The following PALD1 variants were observed in gnomAD, a reference collection of about 807,000 sequenced individuals.
PALD1 encodes paladin.
PALD1 carries 57 observed loss-of-function variants against 96.0 expected under a neutral mutation model. The observed-to-expected ratio is 0.59, with a 90% CI of 0.48 to 0.74. The LOEUF is 0.74. PALD1 is among the 30% of genes least tolerant of loss of function. PALD1 has a pLI of 0.00. For synonymous variants in PALD1, 464 were observed against 473.6 expected, an observed-to-expected ratio of 0.98 and a Z score of 0.26; for missense variants, 1,063 against 1,143.7, an observed-to-expected ratio of 0.93 and a Z score of 1.02.
At chr10:70,474,211 C>G (rs770614753), upstream of PALD1, among the ~76,000 whole-genome samples, 7 of 151,996 alleles carry the variant, frequency 4.6e-5, no homozygotes, top group Non-Finnish European at 1.0e-4. Context: ...CTGGAGGTCA[C>G]GGGCAAAATC....
intron 1 of PALD1, among the ~76,000 whole-genome samples, chr10:70,499,247 T>G (rs1356641866): frequency 1.3e-5 from 2 of 152,214 alleles, no homozygotes; most frequent in African/African-American, 4.8e-5. Flanking sequence ...GCTCTGGCCC[T>G]TCCTTCTTCA....
intron 1 of PALD1, among the ~76,000 whole-genome samples, chr10:70,492,778 A>G (rs187894190): frequency 3.1e-4 from 47 of 152,300 alleles, no homozygotes; most frequent in Middle Eastern, 3.4e-3. Context: ...TGTATAATTT[A>G]TGATGGGTTT....
Position 70,539,659 on chromosome 10 carries a change from C to A in PALD1, c.1805C>A (p.Thr602Asn). 6.2e-7 allele frequency: 1 copy of A among 1,613,788 alleles called. No homozygotes were observed. The highest frequency in any genetic ancestry group is 1.7e-4 in the Middle Eastern group (1 of 6,058). Residue 602 changes from threonine to asparagine, a missense_variant, in exon 15 of 20, where the codon ACC (threonine) becomes AAC (asparagine). Coordinates refer to ENST00000263563, the MANE Select transcript of PALD1 (RefSeq NM_014431.3). The surrounding 1 kb of genome is among the most constrained non-coding windows in gnomAD (Gnocchi z 4.5). ...KEGPLTYRFQ[T>N]CLTMQEVFSQ... ...GGCCCCCTGACCTACAGGTTCCAGA[C>A]CTGCCTTACCATGCAGGAGGTCTTC...
intron 1 of PALD1, among the ~76,000 whole-genome samples, chr10:70,522,195 AT>A (rs199546227): frequency 2.0e-5 from 3 of 150,504 alleles, no homozygotes; most frequent in Admixed American, 6.6e-5. Context: ...GGCCGTTGTG[AT>A]TTTTTTTTTG....
At chr10:70,527,511 G>T (rs1846893129) in intron 2 of PALD1, among the ~76,000 whole-genome samples, 1 of 152,178 alleles carries the variant, frequency 6.6e-6, no homozygotes, top group South Asian at 2.1e-4. Flanking sequence ...TAGTATCTGT[G>T]GATGCTTAGG....
At chr10:70,532,351 C>A (rs1847009534) in intron 5 of PALD1, among the ~76,000 whole-genome samples, 1 of 152,254 alleles carries the variant, frequency 6.6e-6, no homozygotes, top group African/African-American at 2.4e-5. Flanking sequence ...CAGCTGACCA[C>A]ACCTCCCCCG....
intron 1 of PALD1, among the ~76,000 whole-genome samples, chr10:70,512,013 G>A (rs893689471): frequency 4.6e-5 from 7 of 151,994 alleles, no homozygotes; most frequent in East Asian, 1.9e-4. Flanking sequence ...GAGACAGAGC[G>A]AGACTCCGTC....
At position 70,540,396 on chromosome 10, in the gene PALD1, G is replaced by A. The variant is rs940379384; in HGVS notation, c.1908+634G>A. On this transcript the variant is annotated intron_variant, in intron 15 of 19. Transcript: ENST00000263563. The surrounding 1 kb of genome is among the most constrained non-coding windows in gnomAD (Gnocchi z 4.2). ...GGGGAGTGGTGTGGTGTGTGGTAGG[G>A]TTTGTGGAGGGGTCGTTAGGAATGT... Among the ~76,000 whole-genome samples, 4 of 151,856 alleles carry A rather than the reference G, an allele frequency of 2.6e-5. No homozygotes were observed. The highest frequency in any genetic ancestry group is 9.7e-5 in the African/African-American group (4 of 41,324).
intron 1 of PALD1, among the ~76,000 whole-genome samples, chr10:70,513,971 C>T (rs1043319336): frequency 7.2e-5 from 11 of 152,138 alleles, no homozygotes; most frequent in African/African-American, 2.7e-4. Flanking sequence ...GCCAGGTGAG[C>T]TGAGAGGGAG....
chr10:70,560,573 G>C (rs1434671663), intron 18 of PALD1, among the ~76,000 whole-genome samples: 1 of 151,942 alleles, frequency 6.6e-6, no homozygotes, highest in Non-Finnish European at 1.5e-5. Context: ...CGGCCCGCAG[G>C]TGGCACTCAG....
chr10:70,474,564 G>C (rs1019480646), upstream of PALD1, among the ~76,000 whole-genome samples: 1 of 152,154 alleles, frequency 6.6e-6, no homozygotes, highest in Non-Finnish European at 1.5e-5. Flanking sequence ...AAGGAAGGAA[G>C]GAAGGAAGCA....
chr10:70,462,375 A>T, the PALD1 span, among the ~76,000 whole-genome samples: 1 of 152,238 alleles, frequency 6.6e-6, no homozygotes, highest in Non-Finnish European at 1.5e-5. Flanking sequence ...GTAAAGTGGG[A>T]ATACTACGTG....
At chr10:70,541,574 G>A (rs1049259078) in intron 17 of PALD1, 40 bp downstream of exon 17, 2 of 1,483,404 alleles carry the variant, frequency 1.3e-6, no homozygotes, top group Admixed American at 1.7e-5. Context: ...ACCTTGGGAT[G>A]GGAGGAGGAG....
At chr10:70,464,924 G>A in the PALD1 span, among the ~76,000 whole-genome samples, 4 of 150,880 alleles carry the variant, frequency 2.7e-5, no homozygotes, top group East Asian at 2.0e-4. Context: ...CGCCATGCCC[G>A]GCCTCTATGT....
intron 1 of PALD1, among the ~76,000 whole-genome samples, chr10:70,492,518 G>A (rs751143929): frequency 2.9e-5 from 4 of 138,288 alleles, no homozygotes; most frequent in Non-Finnish European, 4.6e-5. Context: ...GTGCAGTGGC[G>A]CAATCTTGGC....
Position 70,563,803 on chromosome 10 carries a change from G to A in PALD1, c.2263-561G>A, listed in dbSNP as rs192296550. On this transcript the variant is annotated intron_variant, in intron 18 of 19. Transcript: ENST00000263563. ...GGTGGATTGAGGGGAGGAGATTGAT[G>A]TGCGTCCACACGGCAGAGCCTCGAG... Among the ~76,000 whole-genome samples, 225 of 152,346 alleles carry A rather than the reference G, an allele frequency of 1.5e-3. No homozygotes were observed. In the Middle Eastern group the frequency reaches 0.017, roughly 12 times the overall value.
At chr10:70,522,005 T>C (rs1390288422) in intron 1 of PALD1, among the ~76,000 whole-genome samples, 2 of 152,172 alleles carry the variant, frequency 1.3e-5, no homozygotes, top group East Asian at 1.9e-4. Flanking sequence ...AAACAAATGG[T>C]AATATTTGTC....
At chr10:70,531,989 A>G (rs1191872635) in intron 5 of PALD1, among the ~76,000 whole-genome samples, 2 of 151,836 alleles carry the variant, frequency 1.3e-5, no homozygotes, top group African/African-American at 4.8e-5. Flanking sequence ...TCTAAAAAAA[A>G]AAAAAGAAAA....
Position 70,498,528 on chromosome 10 carries a change from C to T in PALD1, c.-30+19469C>T, listed in dbSNP as rs150775221. On this transcript the variant is annotated intron_variant, in intron 1 of 19. Transcript: ENST00000263563. ...CTCCTGACTTCAAGCAGTCCTCTTG[C>T]CTTAGCCTCCCAAAGTGTTGAGATA... Among the ~76,000 whole-genome samples, 12 of 151,162 alleles carry T rather than the reference C, an allele frequency of 7.9e-5. No individual in the cohort carries two copies. The East Asian group carries it at 2.3e-3, about 29-fold the overall frequency.
Sources: allele counts gnomAD v4.1 joint callset (sites outside exome capture counted in the v4.1 genomes callset), GRCh38; gene constraint gnomAD v4.1.1; non-coding constraint Gnocchi (gnomAD v3.1); transcripts MANE v1.5; gene names NCBI Gene and HGNC (gene_info 2026-07-23, HGNC 2026-07-21).